Variants in NUBP2 observed in about 807,000 individuals in gnomAD.
The protein encoded by NUBP2 is NUBP iron-sulfur cluster assembly factor 2, cytosolic.
NUBP2 carries 23 observed loss-of-function variants against 24.9 expected under a neutral mutation model. The observed-to-expected ratio is 0.92, with a 90% CI of 0.66 to 1.31. The LOEUF (loss-of-function observed/expected upper bound fraction) is 1.31, where lower values mean the gene tolerates loss of function less well. NUBP2 is among the 50% of genes most tolerant of loss of function. NUBP2 has a pLI of 0.00. For missense variants in NUBP2, 403 were observed against 386.5 expected, an observed-to-expected ratio of 1.04 and a Z score of -0.36; for synonymous variants, 186 against 170.9, an observed-to-expected ratio of 1.09 and a Z score of -0.69.
At position 1,787,956 on chromosome 16, in the gene NUBP2, G is replaced by A. The variant is rs1000740118; in HGVS notation, c.505G>A (p.Asp169Asn). Residue 169 changes from aspartate to asparagine, a missense_variant, in exon 5 of 7, where the codon GAC becomes AAC. Coordinates refer to ENST00000262302, the MANE Select transcript of NUBP2 (RefSeq NM_012225.4). ...VTTPQAVSVG[D>N]VRRELTFCRK... ...TGCCCCGCAGGCGGTGTCCGTGGGG[G>A]ACGTGAGGCGCGAGCTGACCTTCTG... 3 of 1,604,974 alleles carry A rather than the reference G, an allele frequency of 1.9e-6. No individual in the cohort carries two copies. The highest frequency in any genetic ancestry group is 2.2e-5 in the South Asian group (2 of 90,608).
rs1189878648 is a variant in NUBP2 at position 1,788,779 on chromosome 16, C to T, written c.*65C>T. ...GCTCTGCTCCAGCCTCTCAGAGAAA[C>T]AGAGGCCTGGGCTCGGTTCCCGGGC... On this transcript the variant is annotated 3_prime_UTR_variant, in exon 7 of 7. Transcript: ENST00000262302. 6.5e-6 allele frequency: 10 copies of T among 1,534,556 alleles called. No individual in the cohort carries two copies. The African/African-American group carries it at 1.4e-4, about 21-fold the overall frequency.
At chr16:1,785,450 A>C (rs1013605912) in intron 1 of NUBP2, 2 of 1,186,874 alleles carry the variant, frequency 1.7e-6, no homozygotes, top group African/African-American at 3.2e-5. Flanking sequence ...CGCTGGTGCC[A>C]GCACTGATGG....
intron 1 of NUBP2, 21 bp downstream of exon 1, chr16:1,783,057 C>G: frequency 7.7e-7 from 1 of 1,298,338 alleles, no homozygotes; most frequent in Non-Finnish European, 9.8e-7. Flanking sequence ...GGCCAGGGTG[C>G]GGAGCCGCTC....
chr16:1,786,801 C>G lies in NUBP2; in HGVS notation c.180C>G (p.Arg60=). The change falls in exon 3 of 7, where the codon CGC becomes CGG. Residue 60 remains arginine, a synonymous_variant. Transcript: ENST00000262302. ...DVDLCGPSIP[R]MLGAQGRAVH... ...ACCTGTGTGGCCCCAGTATCCCCCG[C>G]ATGCTCGGGGCGCAGGGCAGGGCTG... 2 of 1,610,184 alleles carry G rather than the reference C, an allele frequency of 1.2e-6. No homozygotes were observed. Among genetic ancestry groups the G allele is most frequent in the Non-Finnish European group, 1.7e-6 (2 of 1,178,238 alleles).
intron 1 of NUBP2, chr16:1,783,721 T>A: frequency 5.7e-6 from 1 of 176,144 alleles, no homozygotes; most frequent in Non-Finnish European, 1.1e-5. Context: ...TGAGACGGAG[T>A]CTCGTTCTGT....
Position 1,788,306 on chromosome 16 carries a change from G to A in NUBP2, c.670+99G>A, listed in dbSNP as rs1046787297. 1.4e-5 allele frequency: 17 copies of A among 1,239,254 alleles called. No homozygotes were observed. The East Asian group carries it at 4.1e-4, about 30-fold the overall frequency. The allele number at this position is 1,239,254 out of a possible 1,614,324, so 76.8% of individuals were successfully genotyped here. On this transcript the variant is annotated intron_variant, in intron 6 of 6. Transcript: ENST00000262302. Reference sequence around the variant, plus strand: ...GCCCCCAGTGCCCAAGGGAGAGGAGGGGACGGGAGCGGTTTCCTCCTCTCT... The same window carrying A: ...GCCCCCAGTGCCCAAGGGAGAGGAGAGGACGGGAGCGGTTTCCTCCTCTCT...
intron 1 of NUBP2, 23 bp downstream of exon 1, chr16:1,783,059 G>A: frequency 3.1e-6 from 4 of 1,296,794 alleles, no homozygotes; most frequent in Non-Finnish European, 2.9e-6. Context: ...CCAGGGTGCG[G>A]AGCCGCTCCA....
At chr16:1,787,106 G>C (rs74887071) in intron 3 of NUBP2, 151 bp downstream of exon 3, 1 of 717,440 alleles carries the variant, frequency 1.4e-6, no homozygotes, top group South Asian at 2.3e-5. Flanking sequence ...TCAGGCTGGC[G>C]GTGTGTCTCC....
At chr16:1,788,320 T>C in intron 6 of NUBP2, 113 bp downstream of exon 6, 1 of 1,163,776 alleles carries the variant, frequency 8.6e-7, no homozygotes, top group Non-Finnish European at 1.2e-6. Flanking sequence ...CGGGAGCGGT[T>C]TCCTCCTCTC....
Position 1,787,925 on chromosome 16 carries a change from G to C in NUBP2, c.490-16G>C. The C allele has an allele frequency of 6.2e-7, 1 of 1,602,506 alleles. No individual in the cohort carries two copies. The highest frequency in any genetic ancestry group is 8.5e-7 in the Non-Finnish European group (1 of 1,174,732). ...GGTGCGCCTGGCTGACCGTGGCCTC[G>C]GCTCCTGCCCCGCAGGCGGTGTCCG... On this transcript the variant is annotated splice_polypyrimidine_tract_variant and intron_variant, in intron 4 of 6. Transcript: ENST00000262302.
In NUBP2 at chr16:1,788,534, G is replaced by A. The variant is rs76224870; in HGVS notation, c.671-35G>A. The A allele has an allele frequency of 1.3e-3, 2,040 of 1,569,818 alleles. 22 individuals are homozygous for A. The East Asian group carries it at 0.028, about 22-fold the overall frequency. On this transcript the variant is annotated intron_variant, in intron 6 of 6. Transcript: ENST00000262302. The stretch of plus-strand genomic sequence containing the variant: ...AGCCAATGGTGGGAGTGGAAGGTGC[G>A]GACATGGCGCCACCGCCTCCACTGT...
rs1234828402 is a variant in NUBP2 at position 1,786,811 on chromosome 16, G to A, written c.190G>A (p.Ala64Thr). The A allele has an allele frequency of 6.2e-7, 1 of 1,609,780 alleles. No individual in the cohort carries two copies. Among genetic ancestry groups the A allele is most frequent in the Non-Finnish European group, 8.5e-7 (1 of 1,178,112 alleles). The change falls in exon 3 of 7, where the codon GCG becomes ACG. Residue 64 changes from alanine to threonine, a missense_variant. Transcript: ENST00000262302. ...CGPSIPRMLGAQGRAVHQCDR... is the reference protein window; with the variant it reads ...CGPSIPRMLGTQGRAVHQCDR... ...CCCCAGTATCCCCCGCATGCTCGGG[G>A]CGCAGGGCAGGGCTGTGCACCAGTG... is the stretch of plus-strand genomic sequence containing the variant.
intron 3 of NUBP2, chr16:1,787,283 C>T (rs1897020673): frequency 2.5e-6 from 1 of 406,034 alleles, no homozygotes; most frequent in Non-Finnish European, 4.4e-6. Context: ...GCATTAGACG[C>T]CCCCAAAGGC....
chr16:1,783,068 C>T (rs1364695623), intron 1 of NUBP2, 32 bp downstream of exon 1: 14 of 1,252,152 alleles, frequency 1.1e-5, no homozygotes, highest in Admixed American at 4.2e-5. Flanking sequence ...GGAGCCGCTC[C>T]AGGGCCTCGC....
Position 1,788,665 on chromosome 16 carries a change from C to A in NUBP2, c.767C>A (p.Thr256Asn). 6.2e-7 allele frequency: 1 copy of A among 1,612,524 alleles called. No individual in the cohort carries two copies. Among genetic ancestry groups the A allele is most frequent in the Non-Finnish European group, 8.5e-7 (1 of 1,179,842 alleles). Reference sequence around the variant, plus strand: ...GGGAGCCCCGCCTTCGCTGCACTCACCTCCATAGCCCAGAAGATTCTGGAC... The same window carrying A: ...GGGAGCCCCGCCTTCGCTGCACTCAACTCCATAGCCCAGAAGATTCTGGAC... The part of the protein sequence containing the change: ...FPGSPAFAAL[T>N]SIAQKILDAT... Residue 256 changes from threonine (T) to asparagine (N), a missense_variant, in exon 7 of 7, where the codon ACC becomes AAC. Physicochemically the swap from Thr to Asn is moderately conservative, Grantham distance 65. Transcript: ENST00000262302.
rs1205615327 is a variant in NUBP2 at position 1,786,796 on chromosome 16, C to A, written c.175C>A (p.Pro59Thr). ...TGTGGACCTGTGTGGCCCCAGTATC[C>A]CCCGCATGCTCGGGGCGCAGGGCAG... is the stretch of plus-strand genomic sequence containing the variant. ...LDVDLCGPSI[P>T]RMLGAQGRAV... Residue 59 changes from proline to threonine, a missense_variant, in exon 3 of 7, where the codon CCC becomes ACC. Pro to Thr is a conservative substitution (Grantham distance 38). Coordinates refer to ENST00000262302, the MANE Select transcript of NUBP2 (RefSeq NM_012225.4). The A allele has an allele frequency of 1.2e-6, 2 of 1,610,192 alleles. No individual in the cohort carries two copies. The highest frequency in any genetic ancestry group is 1.7e-6 in the Non-Finnish European group (2 of 1,178,338).
chr16:1,783,803 C>G (rs557869026), intron 1 of NUBP2: 144 of 167,574 alleles, frequency 8.6e-4, no homozygotes, highest in African/African-American at 3.3e-3. Context: ...ACGCCATTCT[C>G]CTGCCGCAGC....
At chr16:1,787,303 C>T in intron 3 of NUBP2, 1 of 412,812 alleles carries the variant, frequency 2.4e-6, no homozygotes, top group Non-Finnish European at 4.4e-6. Flanking sequence ...CAGGGAGAGG[C>T]TGGTGGGAGT....
At chr16:1,785,835 C>T (rs1427495192) in intron 1 of NUBP2, 1 of 1,288,960 alleles carries the variant, frequency 7.8e-7, no homozygotes, top group Admixed American at 2.3e-5. Context: ...CATGCACCCT[C>T]CAAGGACCTG....
Sources: gnomAD v4.1 joint callset for allele counts on GRCh38, gnomAD v4.1.1 for gene constraint, MANE v1.5 for transcripts, NCBI Gene and HGNC (gene_info 2026-07-23, HGNC 2026-07-21) for gene names.